PCSK1: variants seen among roughly 807,000 people sequenced by gnomAD.
PCSK1 encodes neuroendocrine convertase 1.
A neutral mutation model predicts 90.6 loss-of-function variants in PCSK1; 56 were observed. The ratio of observed to expected loss-of-function variants is 0.62; its 90% CI spans 0.50 to 0.77. The LOEUF (loss-of-function observed/expected upper bound fraction) is 0.77, where lower values mean the gene tolerates loss of function less well. Among genes scored for constraint, PCSK1 ranks in the 30% least tolerant of loss-of-function variants. The pLI, the probability that PCSK1 is intolerant of heterozygous loss-of-function variation, is 0.00. For missense variants in PCSK1, 801 were observed against 932.6 expected (o/e 0.86, Z 1.84); for synonymous variants, 348 against 342.4 (o/e 1.02, Z -0.18).
At chr5:96,428,375 G>A (rs1379390345) in intron 2 of PCSK1, among the ~76,000 whole-genome samples, 7 of 152,098 alleles carry the variant, frequency 4.6e-5, no homozygotes, top group Non-Finnish European at 8.8e-5. Context: ...GATATCAGGC[G>A]AATCAGGATA....
chr5:96,393,696 T>C (rs1320853099), intron 13 of PCSK1, among the ~76,000 whole-genome samples: 1 of 152,248 alleles, frequency 6.6e-6, no homozygotes, highest in African/African-American at 2.4e-5. Flanking sequence ...TTTTCTTTAC[T>C]TGTCAGCCTG....
chr5:96,401,086 CAAAAAAAAAAA>C lies in PCSK1; in HGVS notation c.1197-911_1197-901del, dbSNP rs35928091. ...TGGGCTAAAGAGCGGGACTCCGTCT[CAAAAAAAAAAA>C]AAAAAAAAAAAAAAAGAAGTTTACA... On this transcript the variant is annotated intron_variant, in intron 9 of 13. Coordinates refer to ENST00000311106, the MANE Select transcript of PCSK1 (RefSeq NM_000439.5). Among the ~76,000 whole-genome samples, 17 of 70,574 alleles carry C rather than the reference CAAAAAAAAAAA, an allele frequency of 2.4e-4. 1 individual carries two copies. In the East Asian group the frequency reaches 8.0e-3, roughly 33 times the overall value. 46.3% of individuals were successfully genotyped at this position (70,574 alleles called of 152,430 possible).
At chr5:96,411,644 C>T (rs768707914) in intron 7 of PCSK1, among the ~76,000 whole-genome samples, 64 of 152,140 alleles carry the variant, frequency 4.2e-4, no homozygotes, top group Admixed American at 1.2e-3. Flanking sequence ...AAAGCATTTC[C>T]GCGCTTGGAA....
chr5:96,408,018 T>C (rs1248685935), intron 9 of PCSK1, among the ~76,000 whole-genome samples: 1 of 152,216 alleles, frequency 6.6e-6, no homozygotes, highest in Non-Finnish European at 1.5e-5. Context: ...TATATTAAGA[T>C]CCCAATTTTG....
chr5:96,413,010 A>T, intron 6 of PCSK1: 1 of 972,770 alleles, frequency 1.0e-6, no homozygotes, highest in Non-Finnish European at 1.2e-6. Flanking sequence ...TCTACGCCAC[A>T]CAAGGACTCT....
chr5:96,433,248 T>G lies in PCSK1; in HGVS notation c.-206A>C. 2 of 610,042 alleles carry G rather than the reference T, an allele frequency of 3.3e-6. No homozygotes were observed. Among genetic ancestry groups the G allele is most frequent in the Non-Finnish European group, 5.9e-6 (2 of 340,610 alleles). The allele number at this position is 610,042 out of a possible 1,614,324, so 37.8% of individuals were successfully genotyped here. On this transcript the variant is annotated 5_prime_UTR_variant, in exon 1 of 14. Transcript: ENST00000311106. ...GAAGCGCTTCGGTCTCCAGGCTGAG[T>G]GGAGCCCCAGCCCTTCCCAGCCAGA...
At chr5:96,397,500 C>G in intron 11 of PCSK1, 31 bp from the exon 12 acceptor site, 1 of 1,596,784 alleles carries the variant, frequency 6.3e-7, no homozygotes, top group Non-Finnish European at 8.6e-7. Context: ...AATGAATGTC[C>G]TAATAGCTCT....
At chr5:96,395,264 T>C (rs1760092107) in intron 12 of PCSK1, among the ~76,000 whole-genome samples, 1 of 152,254 alleles carries the variant, frequency 6.6e-6, no homozygotes, top group South Asian at 2.1e-4. Context: ...AATCTCTATG[T>C]AAGTCTTCTT....
intron 2 of PCSK1, among the ~76,000 whole-genome samples, chr5:96,427,485 A>G (rs980246725): frequency 4.6e-5 from 7 of 152,204 alleles, no homozygotes; most frequent in African/African-American, 1.7e-4. Context: ...CTATGGTTCC[A>G]GAATGTTTCC....
chr5:96,397,728 T>C (rs1171513718), intron 11 of PCSK1, among the ~76,000 whole-genome samples: 1 of 152,258 alleles, frequency 6.6e-6, no homozygotes, highest in East Asian at 1.9e-4. Flanking sequence ...AATGAATGAA[T>C]GAATGAAAAT....
At chr5:96,405,392 C>T (rs1760526553) in intron 9 of PCSK1, among the ~76,000 whole-genome samples, 1 of 152,160 alleles carries the variant, frequency 6.6e-6, no homozygotes, top group African/African-American at 2.4e-5. Context: ...TCATGGACCC[C>T]TTGGAACCCA....
chr5:96,431,526 T>C (rs1761496593), intron 1 of PCSK1, among the ~76,000 whole-genome samples: 1 of 152,202 alleles, frequency 6.6e-6, no homozygotes, highest in Non-Finnish European at 1.5e-5. Context: ...CTTGAGAGCG[T>C]TTCTTTCCCT....
rs556207256 is a variant in PCSK1 at position 96,425,223 on chromosome 5, A to T, written c.396+597T>A. On this transcript the variant is annotated intron_variant, in intron 3 of 13. Transcript: ENST00000311106. ...ATTAGCCTATACTACTACCATACAG[A>T]CGTAACATTAAACAGAAGAGAGGAC... 3.9e-5 allele frequency among the ~76,000 whole-genome samples: 6 copies of T among 152,322 alleles called. No homozygotes were observed. In the East Asian group the frequency reaches 1.2e-3, roughly 29 times the overall value.
chr5:96,393,016 C>T lies in PCSK1; in HGVS notation c.2247G>A (p.Leu749=), dbSNP rs1760001769. 1 of 1,614,140 alleles carries T rather than the reference C, an allele frequency of 6.2e-7. No individual in the cohort carries two copies. The highest frequency in any genetic ancestry group is 1.6e-4 in the Middle Eastern group (1 of 6,062). Residue 749 remains leucine (L), a synonymous_variant, in exon 14 of 14, where the codon CTG becomes CTA. Coordinates refer to ENST00000311106, the MANE Select transcript of PCSK1 (RefSeq NM_000439.5). Reference sequence around the variant, plus strand: ...CACACTTATTTTAATTTTCCTCATTCAGAATGTCCACCAGAGCTTGAAGCA... The same window carrying T: ...CACACTTATTTTAATTTTCCTCATTTAGAATGTCCACCAGAGCTTGAAGCA... The part of the protein sequence containing the change: ...DRLLQALVDI[L]NEEN
chr5:96,401,395 A>G (rs930584039), intron 9 of PCSK1, among the ~76,000 whole-genome samples: 6 of 152,178 alleles, frequency 3.9e-5, no homozygotes, highest in African/African-American at 1.4e-4. Context: ...GGCAGGGGAG[A>G]GGCAGTGAGG....
intron 9 of PCSK1, among the ~76,000 whole-genome samples, chr5:96,400,774 G>A (rs1760330193): frequency 6.6e-6 from 1 of 152,198 alleles, no homozygotes. Flanking sequence ...ATTCAAGGAT[G>A]TGGTTCTTGT....
chr5:96,403,785 C>G (rs914730716), intron 9 of PCSK1, among the ~76,000 whole-genome samples: 8 of 152,180 alleles, frequency 5.3e-5, no homozygotes, highest in Non-Finnish European at 1.2e-4. Flanking sequence ...TAAAATTTTT[C>G]TAACTTGGAC....
Position 96,416,189 on chromosome 5 carries a change from A to G in PCSK1, c.621-68T>C, listed in dbSNP as rs1224709313. On this transcript the variant is annotated intron_variant, in intron 5 of 13. Transcript: ENST00000311106. ...AAACATTTGTTTTGCATATGAATGA[A>G]TTAATGGGGCATAGGTATATTAACT... 5 of 1,035,420 alleles carry G rather than the reference A, an allele frequency of 4.8e-6. No individual in the cohort carries two copies. In the East Asian group the frequency reaches 7.1e-5, roughly 15 times the overall value. 64.1% of individuals were successfully genotyped at this position (1,035,420 alleles called of 1,614,324 possible).
At position 96,392,675 on chromosome 5, in the gene PCSK1, C is replaced by A; in HGVS notation, c.*326G>T. ...ATTGATATCCCAGGTTTTGCCTTTT[C>A]TTTTGAGAATTGAAATGGGCTCTAA... On this transcript the variant is annotated 3_prime_UTR_variant, in exon 14 of 14. Coordinates refer to ENST00000311106, the MANE Select transcript of PCSK1 (RefSeq NM_000439.5). 4.0e-6 allele frequency: 1 copy of A among 247,478 alleles called. No individual in the cohort carries two copies. Among genetic ancestry groups the A allele is most frequent in the Non-Finnish European group, 7.7e-6 (1 of 129,692 alleles). 15.3% of individuals were successfully genotyped at this position (247,478 alleles called of 1,614,324 possible). A position where few individuals can be genotyped will look rare whatever the true frequency, so the allele number is the denominator to read the frequency against.
Sources: allele counts gnomAD v4.1 joint callset (sites outside exome capture counted in the v4.1 genomes callset), GRCh38; gene constraint gnomAD v4.1.1; transcripts MANE v1.5; gene names NCBI Gene and HGNC (gene_info 2026-07-23, HGNC 2026-07-21).